Variants in PPP1R12A observed in about 807,000 individuals in gnomAD.
PPP1R12A encodes myosin binding subunit.
A neutral mutation model predicts 139.6 loss-of-function variants in PPP1R12A; 19 were observed. The observed-to-expected ratio is 0.14, with a 90% CI of 0.09 to 0.20. The LOEUF is 0.20. PPP1R12A is among the 10% of genes least tolerant of loss of function. PPP1R12A has a pLI of 1.00. For synonymous variants in PPP1R12A, 427 were observed against 420.6 expected (o/e 1.02, Z -0.19); for missense variants, 925 against 1,211.5 (o/e 0.76, Z 3.51).
intron 2 of PPP1R12A, among the ~76,000 whole-genome samples, chr12:79,868,032 T>C (rs1253744087): frequency 6.6e-6 from 1 of 152,158 alleles, no homozygotes; most frequent in Non-Finnish European, 1.5e-5. Context: ...ATACAAAGGG[T>C]AACCAAATAG....
intron 9 of PPP1R12A, among the ~76,000 whole-genome samples, chr12:79,815,194 G>A (rs556605427): frequency 6.6e-6 from 1 of 152,266 alleles, no homozygotes; most frequent in South Asian, 2.1e-4. Context: ...GAAGTTTACC[G>A]TAATCATTTG....
chr12:79,777,376 C>G, intron 24 of PPP1R12A: 1 of 984,358 alleles, frequency 1.0e-6, no homozygotes, highest in Non-Finnish European at 1.2e-6. Context: ...TTCTAACATT[C>G]TAAGAAGCCA....
chr12:79,802,433 G>A (rs1361978810), intron 14 of PPP1R12A, among the ~76,000 whole-genome samples: 1 of 152,128 alleles, frequency 6.6e-6, no homozygotes, highest in African/African-American at 2.4e-5. Context: ...ACCAAAGGAA[G>A]AGAAGAAAAA....
At chr12:79,887,143 A>T (rs572619131) in intron 1 of PPP1R12A, among the ~76,000 whole-genome samples, 1 of 152,332 alleles carries the variant, frequency 6.6e-6, no homozygotes, top group East Asian at 1.9e-4. Flanking sequence ...TTTGTGCACA[A>T]TGCCTAGCAT....
chr12:79,896,421 C>A (rs183279884), intron 1 of PPP1R12A, among the ~76,000 whole-genome samples: 112 of 152,188 alleles, frequency 7.4e-4, no homozygotes, highest in South Asian at 1.7e-3. Flanking sequence ...GTAGCCTCAA[C>A]TTCCCAGGCT....
At position 79,827,209 on chromosome 12, in the gene PPP1R12A, G is replaced by GT. The variant is rs1270123477; in HGVS notation, c.792+1110dup. 3.2e-4 allele frequency among the ~76,000 whole-genome samples: 49 copies of GT among 152,052 alleles called. 1 individual carries two copies. Among genetic ancestry groups the GT allele is most frequent in the Middle Eastern group, 3.4e-3 (1 of 292 alleles). On this transcript the variant is annotated intron_variant, in intron 5 of 24. Coordinates refer to ENST00000450142, the MANE Select transcript of PPP1R12A (RefSeq NM_002480.3). ...CTAAAAATTCAACCCAAAGATTTTT[G>GT]TATTTGTATATAAGTACAAACCAAT...
At chr12:79,839,516 A>C (rs1274524470) in intron 3 of PPP1R12A, among the ~76,000 whole-genome samples, 1 of 152,144 alleles carries the variant, frequency 6.6e-6, no homozygotes, top group African/African-American at 2.4e-5. Flanking sequence ...CTTGAATTGT[A>C]GTTCCCACAA....
At chr12:79,795,078 A>G (rs541870908) in intron 18 of PPP1R12A, among the ~76,000 whole-genome samples, 1 of 152,242 alleles carries the variant, frequency 6.6e-6, no homozygotes, top group South Asian at 2.1e-4. Context: ...CTATACATGT[A>G]TGAATTATGT....
chr12:79,931,089 C>T (rs964074834), intron 1 of PPP1R12A, among the ~76,000 whole-genome samples: 2 of 152,090 alleles, frequency 1.3e-5, no homozygotes, highest in African/African-American at 4.8e-5. Flanking sequence ...ATTAATAATA[C>T]TTTTAAAATA....
Position 79,797,381 on chromosome 12 carries a change from A to G in PPP1R12A, c.2106T>C (p.Thr702=), listed in dbSNP as rs763319148. 2.5e-6 allele frequency: 4 copies of G among 1,600,188 alleles called. No homozygotes were observed. The Admixed American group carries it at 6.9e-5, about 27-fold the overall frequency. ...SRRSTQGVTL[T]DLQEAEKTIG... The stretch of plus-strand genomic sequence containing the variant: ...TTGTTTTCTCAGCTTCTTGAAGATC[A>G]GTTAATGTCACTCCCTGCACACACA... Residue 702 remains threonine (T), a synonymous_variant, in exon 16 of 25, where the codon ACT becomes ACC. Coordinates refer to ENST00000450142, the MANE Select transcript of PPP1R12A (RefSeq NM_002480.3).
At chr12:79,933,322 A>C (rs549923759) in intron 1 of PPP1R12A, among the ~76,000 whole-genome samples, 1 of 152,354 alleles carries the variant, frequency 6.6e-6, no homozygotes, top group East Asian at 1.9e-4. Flanking sequence ...ATTCCATTAC[A>C]CAAAATTTAA....
chr12:79,778,642 A>AT, intron 23 of PPP1R12A, 42 bp from the exon 24 acceptor site: 10 of 1,321,170 alleles, frequency 7.6e-6, no homozygotes, highest in Non-Finnish European at 1.0e-5. Context: ...TATAATTATT[A>AT]TATTCTTAAG....
chr12:79,915,144 G>A (rs1184347763), intron 1 of PPP1R12A, among the ~76,000 whole-genome samples: 1 of 152,012 alleles, frequency 6.6e-6, no homozygotes. Flanking sequence ...GTTTTTCAAG[G>A]GGCTCATAAG....
intron 2 of PPP1R12A, among the ~76,000 whole-genome samples, chr12:79,865,835 A>G (rs1018132774): frequency 4.6e-5 from 7 of 152,210 alleles, no homozygotes; most frequent in African/African-American, 1.7e-4. Flanking sequence ...AAACAAATGG[A>G]AAAACATTCC....
intron 3 of PPP1R12A, among the ~76,000 whole-genome samples, chr12:79,839,612 G>C (rs192644200): frequency 3.3e-5 from 5 of 152,128 alleles, no homozygotes; most frequent in African/African-American, 1.2e-4. Context: ...TTGTGATAGT[G>C]AGTGAGTTCC....
chr12:79,911,024 T>C (rs1458688885), intron 1 of PPP1R12A, among the ~76,000 whole-genome samples: 1 of 152,200 alleles, frequency 6.6e-6, no homozygotes, highest in African/African-American at 2.4e-5. Flanking sequence ...GATATTTTTA[T>C]CTCTACGGTG....
chr12:79,840,813 C>A (rs1878613150), intron 3 of PPP1R12A, among the ~76,000 whole-genome samples: 1 of 152,106 alleles, frequency 6.6e-6, no homozygotes, highest in African/African-American at 2.4e-5. Context: ...CTCCAAGTTG[C>A]CATCAGCTTT....
chr12:79,854,835 C>A (rs899444493), intron 2 of PPP1R12A, among the ~76,000 whole-genome samples: 5 of 151,962 alleles, frequency 3.3e-5, no homozygotes, highest in African/African-American at 1.2e-4. Flanking sequence ...CCAGGCCCAG[C>A]TGATTTTTTT....
chr12:79,805,578 T>C lies in PPP1R12A; in HGVS notation c.2000+14A>G, dbSNP rs747724095. 1.1e-5 allele frequency: 18 copies of C among 1,612,684 alleles called. No homozygotes were observed. The highest frequency in any genetic ancestry group is 4.0e-5 in the African/African-American group (3 of 74,904). ...GCAAGATATATCAGCAGTACTGTTA[T>C]GACCTTTACACACCTGCGTCTCTCC... On this transcript the variant is annotated intron_variant, in intron 14 of 24. Transcript: ENST00000450142.
Sources: gnomAD v4.1 joint callset for allele counts (sites outside exome capture counted in the v4.1 genomes callset) on GRCh38, gnomAD v4.1.1 for gene constraint, MANE v1.5 for transcripts, NCBI Gene and HGNC (gene_info 2026-07-23, HGNC 2026-07-21) for gene names.